The following TEX11 variants were observed in gnomAD, a reference collection of about 807,000 sequenced individuals.
TEX11 encodes the protein testis-expressed protein 11.
TEX11 carries 7 observed loss-of-function variants against 84.4 expected under a neutral mutation model. The observed-to-expected ratio is 0.08, with a 90% CI of 0.05 to 0.16. The LOEUF (loss-of-function observed/expected upper bound fraction) is 0.16. Among genes scored for constraint, TEX11 ranks in the 10% least tolerant of loss-of-function variants. TEX11 has a pLI of 1.00. For missense variants in TEX11, 551 were observed against 660.5 expected (o/e 0.83, Z 1.82); for synonymous variants, 264 against 222.8 (o/e 1.18, Z -1.64).
At chrX:70,603,440 C>A (rs1445333638) in intron 24 of TEX11, among the ~76,000 whole-genome samples, 1 of 104,880 alleles carries the variant, frequency 9.5e-6, no homozygotes, top group Non-Finnish European at 2.0e-5. Context: ...CTGAGAAAAA[C>A]AAGCAATGGG....
intron 12 of TEX11, among the ~76,000 whole-genome samples, 154 bp downstream of exon 12, chrX:70,725,108 C>T (rs770087376): frequency 9.1e-6 from 1 of 109,574 alleles, no homozygotes; most frequent in South Asian, 4.0e-4. Flanking sequence ...CTCTTTCTTC[C>T]TGGGTGACAA....
rs560974784 is a variant in TEX11 at position 70,770,292 on chromosome X, A to G, written c.693-26073T>C. Among the ~76,000 whole-genome samples the G allele has an allele frequency of 2.7e-5, 3 of 112,455 alleles. No homozygotes were observed. The South Asian group carries it at 1.1e-3, about 41-fold the overall frequency. On this transcript the variant is annotated intron_variant, in intron 9 of 29. Transcript: ENST00000374333. ...TCTTTGTTATTTCCTTTATTTCTCAATATAAGACCTCTGGTGATATATATT... is the reference window on the plus strand; with the variant it reads ...TCTTTGTTATTTCCTTTATTTCTCAGTATAAGACCTCTGGTGATATATATT...
At position 70,661,376 on chromosome X, in the gene TEX11, G is replaced by A. The variant is rs200494517; in HGVS notation, c.1380+9001C>T. Among the ~76,000 whole-genome samples the A allele has an allele frequency of 2.1e-3, 236 of 112,526 alleles. 2 individuals carry two copies. Among genetic ancestry groups the A allele is most frequent in the African/African-American group, 7.4e-3 (229 of 31,067 alleles). On this transcript the variant is annotated intron_variant, in intron 16 of 29. Coordinates refer to ENST00000374333, the MANE Select transcript of TEX11 (RefSeq NM_031276.3). ...CTTGAGTAGGTAAACAAAGCAGCCC[G>A]GAAGCTCGAACTGGGTGGAGCCCAC... is the stretch of plus-strand genomic sequence containing the variant.
In TEX11 at chrX:70,759,224, T is replaced by C. The variant is rs925928133; in HGVS notation, c.693-15005A>G. Among the ~76,000 whole-genome samples, 4 of 111,816 alleles carry C rather than the reference T, an allele frequency of 3.6e-5. No individual in the cohort carries two copies. In the Admixed American group the frequency reaches 3.8e-4, roughly 11 times the overall value. On this transcript the variant is annotated intron_variant, in intron 9 of 29. Transcript: ENST00000374333. ...GCTGGTACCATTCCCTCTGAAACTA[T>C]TCCAATCAATAGAAAAAGAGGGACT...
chrX:70,870,994 C>T (rs1386145255), intron 4 of TEX11, among the ~76,000 whole-genome samples: 2 of 111,911 alleles, frequency 1.8e-5, no homozygotes, highest in Non-Finnish European at 3.8e-5. Context: ...CTCACTGCAA[C>T]CTCCACCTCC....
At chrX:70,683,217 C>T (rs1440819701) in intron 13 of TEX11, among the ~76,000 whole-genome samples, 1 of 112,103 alleles carries the variant, frequency 8.9e-6, no homozygotes, top group African/African-American at 3.2e-5. Flanking sequence ...TTTGATTACA[C>T]AAATAATACA....
chrX:70,659,817 G>A lies in TEX11; in HGVS notation c.1381-8265C>T, dbSNP rs752414400. 2.9e-3 allele frequency among the ~76,000 whole-genome samples: 330 copies of A among 112,294 alleles called. 1 individual carries two copies. The highest frequency in any genetic ancestry group is 9.8e-3 in the African/African-American group (304 of 31,000). ...TGTCAAAGCAACCCAAGTGTCCAATGAATAGATGAAAGGATAAACAAAATG... is the reference window on the plus strand; with the variant it reads ...TGTCAAAGCAACCCAAGTGTCCAATAAATAGATGAAAGGATAAACAAAATG... On this transcript the variant is annotated intron_variant, in intron 16 of 29. Transcript: ENST00000374333.
rs150259549 is a variant in TEX11 at position 70,823,632 on chromosome X, C to T, written c.606+9881G>A. On this transcript the variant is annotated intron_variant, in intron 8 of 29. Transcript: ENST00000374333. ...CAAATAGATCACCAGGCTAGTAAAC[C>T]ACCCTGCCATTCCAAAAAAGACATA... Among the ~76,000 whole-genome samples, 609 of 111,272 alleles carry T rather than the reference C, an allele frequency of 5.5e-3. 4 individuals carry two copies. The highest frequency in any genetic ancestry group is 0.019 in the African/African-American group (591 of 30,637).
intron 20 of TEX11, among the ~76,000 whole-genome samples, chrX:70,618,393 C>G (rs1252798330): frequency 7.2e-5 from 8 of 111,390 alleles, no homozygotes; most frequent in African/African-American, 2.6e-4. Flanking sequence ...CCCCTGGGTC[C>G]ACGAAATTAG....
chrX:70,836,065 G>A (rs1223212625), intron 7 of TEX11, among the ~76,000 whole-genome samples: 5 of 101,789 alleles, frequency 4.9e-5, no homozygotes, highest in Non-Finnish European at 9.8e-5. Flanking sequence ...GCAGTGAGCC[G>A]AGATGGCGCA....
intron 17 of TEX11, among the ~76,000 whole-genome samples, chrX:70,649,430 T>C (rs746519149): frequency 8.9e-6 from 1 of 112,478 alleles, no homozygotes; most frequent in African/African-American, 3.2e-5. Flanking sequence ...TTTTTTTAAG[T>C]GGACAATTTC....
At chrX:70,694,260 G>A (rs2090261037) in intron 13 of TEX11, among the ~76,000 whole-genome samples, 1 of 111,099 alleles carries the variant, frequency 9.0e-6, no homozygotes, top group South Asian at 3.8e-4. Flanking sequence ...GGCCAGGATG[G>A]TCTCAACCTC....
the TEX11 span, among the ~76,000 whole-genome samples, chrX:70,512,710 G>A: frequency 9.2e-6 from 1 of 109,232 alleles, no homozygotes; most frequent in Non-Finnish European, 1.9e-5. Flanking sequence ...TGAATGGACA[G>A]ATGAATGAAT....
intron 25 of TEX11, among the ~76,000 whole-genome samples, chrX:70,572,369 G>A (rs2088612402): frequency 9.0e-6 from 1 of 111,688 alleles, no homozygotes; most frequent in Non-Finnish European, 1.9e-5. Flanking sequence ...TGGAGAGGAC[G>A]TGGAGAAATA....
In TEX11 at chrX:70,860,868, G is replaced by T; in HGVS notation, c.313C>A (p.Arg105=). The T allele has an allele frequency of 8.4e-7, 1 of 1,188,241 alleles. No individual in the cohort carries two copies. The highest frequency in any genetic ancestry group is 1.1e-6 in the Non-Finnish European group (1 of 881,075). ...ASFASEQSIQ[R]LIMMNMRIGK... ...AAATTAAGACTTACCATAATCAGTC[G>T]TTGAATACTTTGTTCTGAGGCAAAT... is the stretch of plus-strand genomic sequence containing the variant. Residue 105 remains arginine, a synonymous_variant, in exon 5 of 30, where the codon CGA becomes AGA. Transcript: ENST00000374333.
intron 2 of TEX11, among the ~76,000 whole-genome samples, 155 bp downstream of exon 2, chrX:70,907,598 T>C (rs183951761): frequency 0.018 from 1,951 of 111,124 alleles, 40 homozygotes; most frequent in African/African-American, 0.06. Context: ...TTCACCATGT[T>C]GGTCAGGCTG....
At chrX:70,548,723 G>C (rs1173486903) in intron 28 of TEX11, among the ~76,000 whole-genome samples, 1 of 112,027 alleles carries the variant, frequency 8.9e-6, no homozygotes, top group African/African-American at 3.2e-5. Flanking sequence ...ACCAGCCCTA[G>C]CTAGAGAGCA....
intron 2 of TEX11, among the ~76,000 whole-genome samples, chrX:70,903,722 G>T (rs2091815237): frequency 9.1e-6 from 1 of 110,280 alleles, no homozygotes; most frequent in Non-Finnish European, 1.9e-5. Flanking sequence ...ACTTTCCGGG[G>T]TACAAGATAA....
intron 9 of TEX11, among the ~76,000 whole-genome samples, chrX:70,769,064 T>C (rs2090957155): frequency 9.0e-6 from 1 of 110,798 alleles, no homozygotes; most frequent in African/African-American, 3.3e-5. Context: ...ACTTAGGAGG[T>C]ACAACTAAAG....
Sources: allele counts gnomAD v4.1 joint callset (sites outside exome capture counted in the v4.1 genomes callset), GRCh38; gene constraint gnomAD v4.1.1; transcripts MANE v1.5; gene names NCBI Gene and HGNC (gene_info 2026-07-23, HGNC 2026-07-21).